DSE: variants seen among roughly 807,000 people sequenced by gnomAD.
The protein encoded by DSE is dermatan sulfate epimerase, also known as dermatan-sulfate epimerase.
Under a neutral mutation model 84.4 loss-of-function variants are expected in DSE, and 36 were observed. The observed-to-expected ratio is 0.43, with a 90% CI of 0.33 to 0.56. DSE has a LOEUF of 0.56. DSE is among the 20% of genes least tolerant of loss of function. DSE has a pLI of 0.06. For synonymous variants in DSE, 410 were observed against 430.1 expected (o/e 0.95, Z 0.58); for missense variants, 862 against 1,169.6 (o/e 0.74, Z 3.84).
chr6:116,405,498 C>T (rs892051273), intron 2 of DSE, among the ~76,000 whole-genome samples: 4 of 152,166 alleles, frequency 2.6e-5, no homozygotes, highest in African/African-American at 4.8e-5. Context: ...ATGTTTTTCC[C>T]TTTCTCTTAC....
At chr6:116,382,063 G>GTGTGTC (rs1562268885) in intron 1 of DSE, among the ~76,000 whole-genome samples, 1 of 151,778 alleles carries the variant, frequency 6.6e-6, no homozygotes, top group Non-Finnish European at 1.5e-5. Flanking sequence ...GTGTGTGTGT[G>GTGTGTC]TGTGTGTGTC....
intron 1 of DSE, among the ~76,000 whole-genome samples, chr6:116,398,187 A>G (rs1452014385): frequency 1.3e-5 from 2 of 152,126 alleles, no homozygotes; most frequent in African/African-American, 4.8e-5. Context: ...CTTTCCTCTG[A>G]GGGATTTTCT....
Position 116,382,037 on chromosome 6 carries a change from C to CTGTGTGTGTGTGTGTG in DSE, c.-54+10936_-54+10951dup, listed in dbSNP as rs58610779. 4.7e-3 allele frequency among the ~76,000 whole-genome samples: 686 copies of CTGTGTGTGTGTGTGTG among 144,848 alleles called. 6 individuals are homozygous for CTGTGTGTGTGTGTGTG. The highest frequency in any genetic ancestry group is 0.014 in the African/African-American group (550 of 38,976). On this transcript the variant is annotated intron_variant, in intron 1 of 5. Coordinates refer to ENST00000644252, the MANE Select transcript of DSE (RefSeq NM_013352.4). Reference sequence around the variant, plus strand: ...TCTATTTTCATCTTCACATGGCATTCTGTGTGTGTGTGTGTGTGTGTGTGT... The same window carrying CTGTGTGTGTGTGTGTG: ...TCTATTTTCATCTTCACATGGCATTCTGTGTGTGTGTGTGTGTGTGTGTGTGTGTGTGTGTGTGTGT...
At chr6:116,381,601 T>C (rs764106261) in intron 1 of DSE, among the ~76,000 whole-genome samples, 1 of 152,170 alleles carries the variant, frequency 6.6e-6, no homozygotes, top group Non-Finnish European at 1.5e-5. Flanking sequence ...AAGGTGAAGA[T>C]ACAAATTATA....
chr6:116,278,426 A>G (rs1338684000), intron 2 of DSE: 1 of 1,565,228 alleles, frequency 6.4e-7, no homozygotes, highest in African/African-American at 1.4e-5. Context: ...AACAAAGCAC[A>G]ATAGAAGGCA....
chr6:116,345,398 C>T (rs1249431907), intron 2 of DSE, among the ~76,000 whole-genome samples: 13 of 152,108 alleles, frequency 8.5e-5, no homozygotes, highest in Middle Eastern at 3.2e-3. Context: ...TGTAAAAGAA[C>T]GGAAATTATA....
At chr6:116,347,840 C>G (rs1778081140) in intron 2 of DSE, among the ~76,000 whole-genome samples, 1 of 152,124 alleles carries the variant, frequency 6.6e-6, no homozygotes. Context: ...AAGAAACTAC[C>G]ATCAGAGTTA....
intron 2 of DSE, among the ~76,000 whole-genome samples, chr6:116,403,678 C>T (rs994664411): frequency 2.0e-5 from 3 of 152,022 alleles, no homozygotes; most frequent in Middle Eastern, 3.2e-3. Context: ...GGTTGGTTTT[C>T]GTAGCAAAGA....
At chr6:116,361,862 G>C (rs1347698931) in intron 2 of DSE, among the ~76,000 whole-genome samples, 2 of 152,148 alleles carry the variant, frequency 1.3e-5, no homozygotes, top group African/African-American at 4.8e-5. Context: ...GTCATCAACT[G>C]ATTAATGAAA....
chr6:116,272,014 T>A (rs1772902122), intron 2 of DSE, among the ~76,000 whole-genome samples: 1 of 152,218 alleles, frequency 6.6e-6, no homozygotes, highest in African/African-American at 2.4e-5. Context: ...CTGGGATTTC[T>A]ATCACCATAA....
intron 2 of DSE, among the ~76,000 whole-genome samples, chr6:116,287,062 T>C (rs1010448056): frequency 2.0e-5 from 3 of 152,090 alleles, no homozygotes; most frequent in Non-Finnish European, 2.9e-5. Flanking sequence ...TATGTGCTGT[T>C]TGTTGCCTTA....
intron 2 of DSE, among the ~76,000 whole-genome samples, chr6:116,332,784 A>C (rs1035911716): frequency 2.0e-5 from 3 of 152,184 alleles, no homozygotes; most frequent in Non-Finnish European, 2.9e-5. Context: ...AATATATTAC[A>C]TATGCAAGTC....
rs1583228009 is a variant in DSE at position 116,431,081 on chromosome 6, T to C, written c.798T>C (p.Thr266=). 6.2e-7 allele frequency: 1 copy of C among 1,614,180 alleles called. No individual in the cohort carries two copies. Among genetic ancestry groups the C allele is most frequent in the Non-Finnish European group, 8.5e-7 (1 of 1,180,038 alleles). ...GAGTTGCGTATGGCAGCTACACCAC[T>C]AGATCACTCTTCCAATACATGTTTC... is the stretch of plus-strand genomic sequence containing the variant. ...YEGVAYGSYT[T]RSLFQYMFLV... is the part of the protein sequence containing the mutation. The change falls in exon 4 of 6, where the codon ACT becomes ACC. Residue 266 remains threonine, a synonymous_variant. Transcript: ENST00000644252.
rs543398966 is a variant in DSE, at chr6:116,279,743, C to T, written c.-54+20776C>T. 6 of 1,611,914 alleles carry T rather than the reference C, an allele frequency of 3.7e-6. No individual in the cohort carries two copies. The African/African-American group carries it at 5.3e-5, about 14-fold the overall frequency. On this transcript the variant is annotated intron_variant, in intron 2 of 3. Transcript: ENST00000430252. ...TCGCGGAGCCTCAGGTACTGGTGTG[C>T]GTCCTGGTCGCTCGGGACTTGGTCA...
chr6:116,348,767 C>A (rs1359795842), intron 2 of DSE, among the ~76,000 whole-genome samples: 1 of 152,184 alleles, frequency 6.6e-6, no homozygotes, highest in Non-Finnish European at 1.5e-5. Context: ...ACATGTGGCA[C>A]ATATACACCA....
intron 2 of DSE, among the ~76,000 whole-genome samples, chr6:116,273,634 A>T (rs1035270267): frequency 1.4e-4 from 21 of 152,156 alleles, no homozygotes; most frequent in Admixed American, 7.2e-4. Context: ...TGTGTGCAGT[A>T]GATGTTTTGA....
At chr6:116,384,315 T>C (rs1226657679) in intron 1 of DSE, among the ~76,000 whole-genome samples, 1 of 152,108 alleles carries the variant, frequency 6.6e-6, no homozygotes, top group Non-Finnish European at 1.5e-5. Context: ...AAAAGACCCA[T>C]AGAGGACTCA....
chr6:116,401,696 A>G (rs1781602188), intron 2 of DSE, among the ~76,000 whole-genome samples: 1 of 152,186 alleles, frequency 6.6e-6, no homozygotes, highest in Non-Finnish European at 1.5e-5. Context: ...CAATTACAAC[A>G]CAATTATGTG....
Position 116,443,824 on chromosome 6 carries a change from T to G in DSE, c.*6479T>G, listed in dbSNP as rs892277227. The G allele has an allele frequency of 3.9e-5, 6 of 152,120 alleles. No individual in the cohort carries two copies. Among genetic ancestry groups the G allele is most frequent in the Non-Finnish European group, 8.8e-5 (6 of 68,022 alleles). 9.4% of individuals were successfully genotyped at this position (152,120 alleles called of 1,614,324 possible). A position where few individuals can be genotyped will look rare whatever the true frequency, so the allele number is the denominator to read the frequency against. Reference sequence around the variant, plus strand: ...GAATTCTTTTCTGAACAAAAAAACGTTTTCAATGGTCTAGGCACTTCCTTT... The same window carrying G: ...GAATTCTTTTCTGAACAAAAAAACGGTTTCAATGGTCTAGGCACTTCCTTT... On this transcript the variant is annotated 3_prime_UTR_variant, in exon 6 of 6. Transcript: ENST00000644252.
Sources: gnomAD v4.1 joint callset for allele counts (sites outside exome capture counted in the v4.1 genomes callset) on GRCh38, gnomAD v4.1.1 for gene constraint, MANE v1.5 for transcripts, NCBI Gene and HGNC (gene_info 2026-07-23, HGNC 2026-07-21) for gene names.